The following DLG2 variants were observed in gnomAD, a reference collection of about 807,000 sequenced individuals.
DLG2 encodes disks large homolog 2.
A neutral mutation model predicts 132.5 loss-of-function variants in DLG2; 45 were observed. The observed-to-expected ratio is 0.34, with a 90% CI of 0.27 to 0.44. The LOEUF (loss-of-function observed/expected upper bound fraction) is 0.44. Among genes scored for constraint, DLG2 ranks in the 20% least tolerant of loss-of-function variants. The probability of loss-of-function intolerance (pLI) is 1.00; values close to 1 mark genes in which losing one functional copy is unlikely to be tolerated. For missense variants in DLG2, 1,045 were observed against 1,196.9 expected, an observed-to-expected ratio of 0.87 and a Z score of 1.87; for synonymous variants, 424 against 419.6, an observed-to-expected ratio of 1.01 and a Z score of -0.13.
At chr11:83,838,312 T>A (rs1315865856) in intron 16 of DLG2, among the ~76,000 whole-genome samples, 6 of 152,212 alleles carry the variant, frequency 3.9e-5, no homozygotes, top group Admixed American at 2.0e-4. Context: ...GTAACATTTT[T>A]AAACTTTTCC....
At chr11:85,338,976 G>C (rs2082309766) in intron 3 of DLG2, among the ~76,000 whole-genome samples, 1 of 152,128 alleles carries the variant, frequency 6.6e-6, no homozygotes, top group African/African-American at 2.4e-5. Context: ...ACAGGGGTGA[G>C]CCACCACGCC....
intron 18 of DLG2, among the ~76,000 whole-genome samples, chr11:83,702,123 C>A (rs1289968070): frequency 1.3e-5 from 2 of 152,170 alleles, no homozygotes; most frequent in South Asian, 2.1e-4. Context: ...GGCTTGGGAT[C>A]AGGATATCTC....
At chr11:84,481,637 C>A (rs1377610976) in intron 7 of DLG2, among the ~76,000 whole-genome samples, 1 of 152,090 alleles carries the variant, frequency 6.6e-6, no homozygotes, top group Non-Finnish European at 1.5e-5. Context: ...CATTTTTCTC[C>A]AAACTATCCC....
At chr11:85,412,728 C>CAT (rs1457324665) in intron 3 of DLG2, among the ~76,000 whole-genome samples, 1 of 114,100 alleles carries the variant, frequency 8.8e-6, no homozygotes, top group African/African-American at 3.7e-5. Flanking sequence ...CAGTATTTCA[C>CAT]ACACACACAC....
intron 3 of DLG2, among the ~76,000 whole-genome samples, chr11:85,343,944 T>C (rs2082667979): frequency 6.6e-6 from 1 of 152,158 alleles, no homozygotes; most frequent in Non-Finnish European, 1.5e-5. Flanking sequence ...ATGGAAGTAA[T>C]AAGCCACTCA....
chr11:85,587,104 G>A (rs570156786), intron 3 of DLG2, among the ~76,000 whole-genome samples: 2 of 152,218 alleles, frequency 1.3e-5, no homozygotes, highest in South Asian at 4.1e-4. Flanking sequence ...ATTGAGACTT[G>A]TTTTGTGGCC....
chr11:83,801,401 T>C (rs2044342389), intron 17 of DLG2, among the ~76,000 whole-genome samples: 1 of 152,210 alleles, frequency 6.6e-6, no homozygotes, highest in Admixed American at 6.5e-5. Flanking sequence ...TTTTGGCTCC[T>C]TGTTAGACTT....
chr11:83,828,872 A>G lies in DLG2; in HGVS notation c.1722+4742T>C, dbSNP rs200401030. 5.7e-4 allele frequency among the ~76,000 whole-genome samples: 86 copies of G among 151,664 alleles called. 7 individuals carry two copies. The highest frequency in any genetic ancestry group is 8.8e-5 in the Non-Finnish European group (6 of 68,020). On this transcript the variant is annotated intron_variant, in intron 17 of 27. Coordinates refer to ENST00000376104, the MANE Select transcript of DLG2 (RefSeq NM_001142699.3). ...CTTCAGTGTGTGTGTATATATATAT[A>G]TGTGTATGTATATGTGTTTATATAC...
chr11:85,297,189 T>C (rs1055698511), intron 3 of DLG2, among the ~76,000 whole-genome samples: 2 of 152,100 alleles, frequency 1.3e-5, no homozygotes, highest in African/African-American at 4.8e-5. Flanking sequence ...TATGCCCAAA[T>C]ACCAAAGTAC....
chr11:85,372,525 TAATG>T (rs2085069050), intron 3 of DLG2, among the ~76,000 whole-genome samples: 1 of 152,228 alleles, frequency 6.6e-6, no homozygotes, highest in African/African-American at 2.4e-5. Flanking sequence ...AAGCAAATGA[TAATG>T]AAGGTTAAAA....
At chr11:85,509,611 G>A (rs547556487) in intron 3 of DLG2, among the ~76,000 whole-genome samples, 14 of 152,132 alleles carry the variant, frequency 9.2e-5, no homozygotes, top group South Asian at 6.2e-4. Context: ...TTGAAGAACC[G>A]ATATCCTCCG....
At chr11:84,245,308 C>T (rs374335774) in intron 8 of DLG2, among the ~76,000 whole-genome samples, 12 of 152,184 alleles carry the variant, frequency 7.9e-5, no homozygotes, top group African/African-American at 2.9e-4. Context: ...CATCCAATGG[C>T]CTTTTCACAT....
intron 7 of DLG2, among the ~76,000 whole-genome samples, chr11:84,499,594 T>C (rs2099196378): frequency 6.6e-6 from 1 of 152,204 alleles, no homozygotes; most frequent in South Asian, 2.1e-4. Flanking sequence ...GGCTCAAATA[T>C]AATGCAAAGA....
intron 6 of DLG2, among the ~76,000 whole-genome samples, chr11:85,003,725 TA>T (rs1401490815): frequency 2.6e-5 from 4 of 152,102 alleles, no homozygotes; most frequent in African/African-American, 9.7e-5. Flanking sequence ...TTAGAATGTC[TA>T]TTTTTTTCAT....
chr11:83,957,028 A>G (rs12279738), intron 14 of DLG2, among the ~76,000 whole-genome samples: 17,551 of 152,284 alleles, frequency 0.12, 1,157 homozygotes, highest in African/African-American at 0.15. Flanking sequence ...AAAATAACGT[A>G]GTTTGTAATA....
At chr11:83,755,433 T>G (rs187699829) in intron 18 of DLG2, among the ~76,000 whole-genome samples, 2 of 151,394 alleles carry the variant, frequency 1.3e-5, no homozygotes, top group Admixed American at 1.3e-4. Flanking sequence ...AATGTACATA[T>G]ACATATAGTA....
At chr11:84,146,561 T>C (rs1244406311) in intron 9 of DLG2, among the ~76,000 whole-genome samples, 1 of 151,892 alleles carries the variant, frequency 6.6e-6, no homozygotes, top group East Asian at 1.9e-4. Flanking sequence ...ATTAGAAAAA[T>C]AATTTAGAAA....
At chr11:84,800,358 A>G (rs17147569) in intron 6 of DLG2, among the ~76,000 whole-genome samples, 16,687 of 152,250 alleles carry the variant, frequency 0.11, 1,064 homozygotes, top group African/African-American at 0.16. Flanking sequence ...AAAATGCAGC[A>G]TACAGAGCCT....
intron 6 of DLG2, among the ~76,000 whole-genome samples, chr11:85,065,344 C>A (rs1246848067): frequency 6.6e-6 from 1 of 151,176 alleles, no homozygotes; most frequent in Non-Finnish European, 1.5e-5. Context: ...TTTTTTAAAA[C>A]CCCTTGATGG....
Sources: gnomAD v4.1 joint callset for allele counts (sites outside exome capture counted in the v4.1 genomes callset) on GRCh38, gnomAD v4.1.1 for gene constraint, MANE v1.5 for transcripts, NCBI Gene and HGNC (gene_info 2026-07-23, HGNC 2026-07-21) for gene names.